Variants in FGFR2 observed in about 807,000 individuals in gnomAD.
FGFR2 encodes BEK fibroblast growth factor receptor.
Under a neutral mutation model 95.9 loss-of-function variants are expected in FGFR2, and 19 were observed. The ratio of observed to expected loss-of-function variants is 0.20; its 90% CI spans 0.14 to 0.29. The LOEUF is 0.29. Among genes scored for constraint, FGFR2 ranks in the 10% least tolerant of loss-of-function variants. The pLI is 1.00. For missense variants in FGFR2, 707 were observed against 1,056.9 expected, an observed-to-expected ratio of 0.67 and a Z score of 4.59; for synonymous variants, 392 against 393.3, an observed-to-expected ratio of 1.00 and a Z score of 0.04.
Position 121,564,534 on chromosome 10 carries a change from T to C in FGFR2, c.422A>G (p.Glu141Gly). 6.2e-7 allele frequency: 1 copy of C among 1,613,982 alleles called. No individual in the cohort carries two copies. Among genetic ancestry groups the C allele is most frequent in the Non-Finnish European group, 8.5e-7 (1 of 1,179,998 alleles). ...GDDEDDTDGA[E>G]DFVSENSNNK... Reference sequence around the variant, plus strand: ...GTTACTGTTCTCACTGACAAAATCTTCCGCACCATCGGTGTCATCCTCATC... The same window carrying C: ...GTTACTGTTCTCACTGACAAAATCTCCCGCACCATCGGTGTCATCCTCATC... Residue 141 changes from glutamate (E) to glycine (G), a missense_variant, in exon 4 of 18, where the codon GAA (glutamate) becomes GGA (glycine). Transcript: ENST00000358487.
intron 2 of FGFR2, among the ~76,000 whole-genome samples, chr10:121,588,481 GGTGTGGTAAAGAT>G (rs1434265575): frequency 1.3e-5 from 2 of 152,078 alleles, no homozygotes; most frequent in African/African-American, 4.8e-5. Context: ...GGAGGAAGAT[GGTGTGGTAAAGAT>G]GGGGTATGAT....
At chr10:121,487,964 C>T (rs2133833442) in intron 14 of FGFR2, 27 bp downstream of exon 14, 2 of 1,613,846 alleles carry the variant, frequency 1.2e-6, no homozygotes, top group Non-Finnish European at 1.7e-6. Context: ...CCCGCCCCTG[C>T]CCACTGTGTT....
intron 2 of FGFR2, 62 bp from the exon 3 acceptor site, chr10:121,565,766 C>A (rs1857588599): frequency 6.2e-7 from 1 of 1,603,044 alleles, no homozygotes; most frequent in East Asian, 2.2e-5. Flanking sequence ...GAGAGAACGT[C>A]CAACAAAGGT....
Position 121,593,849 on chromosome 10 carries a change from T to G in FGFR2, c.-32A>C. ...GGTACCAATCCCCGGTCCTCTTCCA[T>G]ATCTCCATGTGGACGTTAATCCCAT... is the stretch of plus-strand genomic sequence containing the variant. On this transcript the variant is annotated 5_prime_UTR_variant, in exon 2 of 18. An upstream start codon of the reference 5' UTR is lost. Coordinates refer to ENST00000358487, the MANE Select transcript of FGFR2 (RefSeq NM_000141.5). 6.4e-7 allele frequency: 1 copy of G among 1,565,380 alleles called. No homozygotes were observed. The highest frequency in any genetic ancestry group is 8.8e-7 in the Non-Finnish European group (1 of 1,135,560).
chr10:121,575,503 T>A (rs576814645), intron 2 of FGFR2, among the ~76,000 whole-genome samples: 1 of 152,280 alleles, frequency 6.6e-6, no homozygotes, highest in African/African-American at 2.4e-5. Context: ...AGGTATTGAA[T>A]CAGTACTGTG....
intron 4 of FGFR2, among the ~76,000 whole-genome samples, chr10:121,555,712 C>T (rs531860136): frequency 2.0e-5 from 3 of 152,282 alleles, no homozygotes; most frequent in African/African-American, 7.2e-5. Context: ...ATCAATCAAT[C>T]CCATCCCATC....
rs1426376762 is a variant in FGFR2 at position 121,598,330 on chromosome 10, C to A, written c.-519G>T. The A allele has an allele frequency of 2.9e-5, 9 of 306,652 alleles. No individual in the cohort carries two copies. Among genetic ancestry groups the A allele is most frequent in the African/African-American group, 1.5e-4 (7 of 45,692 alleles). 19.0% of individuals were successfully genotyped at this position (306,652 alleles called of 1,614,324 possible). On this transcript the variant is annotated 5_prime_UTR_variant, in exon 1 of 18. Coordinates refer to ENST00000358487, the MANE Select transcript of FGFR2 (RefSeq NM_000141.5). Reference sequence around the variant, plus strand: ...CCAGCCCGGAGAGCAGTCGCCGCGCCGGGCCAGGTACGCCGCATGCAGCCC... The same window carrying A: ...CCAGCCCGGAGAGCAGTCGCCGCGCAGGGCCAGGTACGCCGCATGCAGCCC...
At chr10:121,543,364 G>C (rs1331792171) in intron 5 of FGFR2, among the ~76,000 whole-genome samples, 1 of 152,124 alleles carries the variant, frequency 6.6e-6, no homozygotes, top group East Asian at 1.9e-4. Flanking sequence ...ATAAAAATTA[G>C]TCAGGCATGG....
intron 5 of FGFR2, among the ~76,000 whole-genome samples, chr10:121,545,712 CAA>C (rs1854401655): frequency 6.6e-6 from 1 of 152,140 alleles, no homozygotes; most frequent in African/African-American, 2.4e-5. Flanking sequence ...AACATTTCAT[CAA>C]AAAGTCTTTA....
chr10:121,490,614 A>C (rs1846007080), intron 13 of FGFR2, among the ~76,000 whole-genome samples: 1 of 152,138 alleles, frequency 6.6e-6, no homozygotes, highest in Non-Finnish European at 1.5e-5. Flanking sequence ...ACAAAGAAGC[A>C]AATATCACCA....
intron 9 of FGFR2, among the ~76,000 whole-genome samples, chr10:121,509,031 A>G (rs767904353): frequency 6.6e-6 from 1 of 152,258 alleles, no homozygotes; most frequent in African/African-American, 2.4e-5. Context: ...AGGAACCTCA[A>G]ATAACTCCCA....
intron 13 of FGFR2, among the ~76,000 whole-genome samples, chr10:121,489,869 G>A (rs1171559469): frequency 3.3e-5 from 5 of 152,244 alleles, no homozygotes; most frequent in South Asian, 4.2e-4. Flanking sequence ...CCCGTCTAGC[G>A]GGTCTCTACG....
chr10:121,532,046 C>T (rs1852150321), intron 6 of FGFR2, among the ~76,000 whole-genome samples: 2 of 152,200 alleles, frequency 1.3e-5, no homozygotes. Flanking sequence ...TGAGATTTCG[C>T]AACTCTAGAG....
intron 6 of FGFR2, among the ~76,000 whole-genome samples, chr10:121,537,022 T>C (rs868803804): frequency 2.6e-5 from 4 of 152,240 alleles, no homozygotes; most frequent in Non-Finnish European, 5.9e-5. Flanking sequence ...TTACAGTGTA[T>C]CAATGCCAAC....
At chr10:121,507,814 C>T (rs941739225) in intron 9 of FGFR2, among the ~76,000 whole-genome samples, 1 of 152,104 alleles carries the variant, frequency 6.6e-6, no homozygotes, top group African/African-American at 2.4e-5. Context: ...TAACTTGGAG[C>T]GTTTGGAGCC....
rs185913671 is a variant in FGFR2 at position 121,479,210 on chromosome 10, A to T, written c.*647T>A. ...ACTTAAATTACAAAAAAAACTATAA[A>T]TGATTAATTGTTTTGTATATTACCA... On this transcript the variant is annotated 3_prime_UTR_variant, in exon 18 of 18. Transcript: ENST00000358487. 1.3e-5 allele frequency: 3 copies of T among 233,388 alleles called. No homozygotes were observed. In the Admixed American group the frequency reaches 1.7e-4, roughly 13 times the overall value. 14.5% of individuals were successfully genotyped at this position (233,388 alleles called of 1,614,324 possible).
In FGFR2 at chr10:121,515,167, G is replaced by A. The variant is rs2134222569; in HGVS notation, c.1237C>T (p.Pro413Ser). The A allele has an allele frequency of 6.2e-7, 1 of 1,614,178 alleles. No homozygotes were observed. The highest frequency in any genetic ancestry group is 1.1e-5 in the South Asian group (1 of 91,078). ...CGTTTGGTCAGCTTGTGCACAGCCGGCTGGCTGCTGAAGTCTGGCTTCTTG... is the reference window on the plus strand; with the variant it reads ...CGTTTGGTCAGCTTGTGCACAGCCGACTGGCTGCTGAAGTCTGGCTTCTTG... ...TTKKPDFSSQ[P>S]AVHKLTKRIP... is the part of the protein sequence containing the mutation. Residue 413 changes from proline to serine, a missense_variant, in exon 9 of 18, where the codon CCG (proline) becomes TCG (serine). Physicochemically the swap from Pro to Ser is moderately conservative, Grantham distance 74. Transcript: ENST00000358487.
intron 9 of FGFR2, among the ~76,000 whole-genome samples, 157 bp downstream of exon 9, chr10:121,514,960 C>T (rs770516480): frequency 4.6e-5 from 7 of 152,174 alleles, no homozygotes; most frequent in African/African-American, 9.7e-5. Context: ...ACTCTCCAAG[C>T]TCCAAACACT....
At chr10:121,564,751 T>C (rs1857433202) in intron 3 of FGFR2, among the ~76,000 whole-genome samples, 172 bp from the exon 4 acceptor site, 2 of 152,198 alleles carry the variant, frequency 1.3e-5, no homozygotes, top group South Asian at 4.1e-4. Flanking sequence ...TTTCCCTCCA[T>C]GATGACAGTT....
Sources: gnomAD v4.1 joint callset for allele counts (sites outside exome capture counted in the v4.1 genomes callset) on GRCh38, gnomAD v4.1.1 for gene constraint, MANE v1.5 for transcripts, NCBI Gene and HGNC (gene_info 2026-07-23, HGNC 2026-07-21) for gene names.